HIVEP3: variants seen among roughly 807,000 people sequenced by gnomAD.
HIVEP3 encodes HIVEP zinc finger 3.
Under a neutral mutation model 152.8 loss-of-function variants are expected in HIVEP3, and 49 were observed. The observed-to-expected ratio is 0.32, with a 90% confidence interval of 0.26 to 0.41. HIVEP3 has a LOEUF of 0.41. HIVEP3 is among the 10% of genes least tolerant of loss of function. The probability of loss-of-function intolerance (pLI) is 1.00; values close to 1 mark genes in which losing one functional copy is unlikely to be tolerated. For synonymous variants in HIVEP3, 1,269 were observed against 1,289.0 expected (o/e 0.98, Z 0.33); for missense variants, 2,790 against 3,103.3 (o/e 0.90, Z 2.40).
chr1:41,983,340 T>G (rs1645304406), intron 1 of HIVEP3, among the ~76,000 whole-genome samples: 1 of 152,232 alleles, frequency 6.6e-6, no homozygotes, highest in African/African-American at 2.4e-5. Flanking sequence ...TAGACATCAG[T>G]AATGCACAAA....
intron 1 of HIVEP3, among the ~76,000 whole-genome samples, chr1:41,905,666 C>G (rs193078468): frequency 6.6e-5 from 10 of 152,156 alleles, no homozygotes; most frequent in South Asian, 2.1e-4. Context: ...GGATTTGAAC[C>G]CTGTGCTCTT....
chr1:41,508,339 A>G lies in HIVEP3; in HGVS notation c.*2112T>C, dbSNP rs1356008675. On this transcript the variant is annotated 3_prime_UTR_variant, in exon 9 of 9. Transcript: ENST00000372583. Reference sequence around the variant, plus strand: ...GTTAGGGCTGAAAGGCAAGGATGAGAAAAGCCCTGGCCTCCTGGGACTTGG... The same window carrying G: ...GTTAGGGCTGAAAGGCAAGGATGAGGAAAGCCCTGGCCTCCTGGGACTTGG... 2 of 152,226 alleles carry G rather than the reference A, an allele frequency of 1.3e-5. No homozygotes were observed. The highest frequency in any genetic ancestry group is 4.8e-5 in the African/African-American group (2 of 41,406). The allele number at this position is 152,226 out of a possible 1,614,324, so 9.4% of individuals were successfully genotyped here. A position where few individuals can be genotyped will look rare whatever the true frequency, so the allele number is the denominator to read the frequency against.
At chr1:41,841,620 C>T (rs1294630040) in intron 1 of HIVEP3, among the ~76,000 whole-genome samples, 3 of 152,168 alleles carry the variant, frequency 2.0e-5, no homozygotes, top group African/African-American at 4.8e-5. Flanking sequence ...GAAAGACATG[C>T]CCAAAACCGC....
intron 1 of HIVEP3, among the ~76,000 whole-genome samples, chr1:41,863,155 A>G (rs1643909403): frequency 6.6e-6 from 1 of 152,220 alleles, no homozygotes; most frequent in Non-Finnish European, 1.5e-5. Context: ...GTCACCCAGC[A>G]TCGACTGCTA....
chr1:41,733,660 T>G (rs537464782), intron 1 of HIVEP3, among the ~76,000 whole-genome samples: 100 of 152,350 alleles, frequency 6.6e-4, no homozygotes, highest in African/African-American at 2.0e-3. Flanking sequence ...GGGTCCACTG[T>G]GGCTGAGTGA....
Position 41,512,957 on chromosome 1 carries a change from C to T in HIVEP3, c.6264G>A (p.Lys2088=). The T allele has an allele frequency of 1.2e-6, 2 of 1,610,638 alleles. No homozygotes were observed. The highest frequency in any genetic ancestry group is 1.7e-6 in the Non-Finnish European group (2 of 1,178,644). ...GGCTGCCCGGCCCAGCCAAGGCCCA[C>T]TTCCCTGGCGGCGCTGACCGTGGTG... The part of the protein sequence containing the change: ...ESPPRSAPPG[K]WALAGPGSPS... The change falls in exon 8 of 9, where the codon AAG becomes AAA. Residue 2088 remains lysine (K), a synonymous_variant. Coordinates refer to ENST00000372583, the MANE Select transcript of HIVEP3 (RefSeq NM_024503.5).
At chr1:41,974,509 A>ACACACACG (rs1198714053) in intron 1 of HIVEP3, among the ~76,000 whole-genome samples, 2 of 151,542 alleles carry the variant, frequency 1.3e-5, no homozygotes, top group Non-Finnish European at 2.9e-5. Flanking sequence ...ACACACACAC[A>ACACACACG]CACACACACA....
intron 1 of HIVEP3, among the ~76,000 whole-genome samples, chr1:41,982,351 G>T (rs56668297): frequency 1.3e-5 from 2 of 152,044 alleles, no homozygotes; most frequent in Non-Finnish European, 2.9e-5. Context: ...ATGGAACTGC[G>T]TCCCTCTCAT....
chr1:41,648,189 T>C, intron 2 of HIVEP3, among the ~76,000 whole-genome samples: 1 of 152,220 alleles, frequency 6.6e-6, no homozygotes. Context: ...TCATATGGCA[T>C]TGTGTCTCTA....
At chr1:41,529,593 CACAT>C (rs1643174702) in intron 5 of HIVEP3, among the ~76,000 whole-genome samples, 1 of 132,952 alleles carries the variant, frequency 7.5e-6, no homozygotes, top group Non-Finnish European at 1.6e-5. Context: ...CACCTTCATA[CACAT>C]ACATACACTC....
chr1:41,854,138 T>TC (rs1018439121), intron 1 of HIVEP3, among the ~76,000 whole-genome samples: 67 of 151,932 alleles, frequency 4.4e-4, no homozygotes, highest in African/African-American at 1.5e-3. Flanking sequence ...CCTCTCTCTG[T>TC]CCCACCTCCT....
intron 2 of HIVEP3, among the ~76,000 whole-genome samples, chr1:41,697,865 C>A (rs1646301195): frequency 6.6e-6 from 1 of 152,168 alleles, no homozygotes; most frequent in South Asian, 2.1e-4. Flanking sequence ...AGTATCAACC[C>A]TGTAGGTGCC....
At chr1:41,758,901 G>A (rs1006365994) in intron 1 of HIVEP3, among the ~76,000 whole-genome samples, 2 of 152,106 alleles carry the variant, frequency 1.3e-5, no homozygotes, top group Non-Finnish European at 2.9e-5. Flanking sequence ...AGTGTACTGT[G>A]ACCAATGACT....
chr1:41,544,062 T>G (rs1316077239), intron 5 of HIVEP3: 2 of 151,930 alleles, frequency 1.3e-5, no homozygotes, highest in Non-Finnish European at 2.9e-5. Context: ...TCTGTTGGAG[T>G]AGGAAGCAAC....
Position 41,580,813 on chromosome 1 carries a change from A to G in HIVEP3, c.3985T>C (p.Ser1329Pro), listed in dbSNP as rs769303059. Reference protein sequence around the residue: ...VPVRVQTNMPSYGSAMYTTLS... With the variant: ...VPVRVQTNMPPYGSAMYTTLS... ...GTGGTGTACATTGCGCTCCCATAGG[A>G]CGGCATATTGGTCTGAACACGGACA... Residue 1329 changes from serine (S) to proline (P), a missense_variant, in exon 4 of 9, where the codon TCC (serine) becomes CCC (proline). Physicochemically the swap from Ser to Pro is moderately conservative, Grantham distance 74. This residue lies in a region of HIVEP3 where 1,078 missense variants were observed against 1,165.3 expected (regional missense o/e 0.93). Coordinates refer to ENST00000372583, the MANE Select transcript of HIVEP3 (RefSeq NM_024503.5). 4 of 1,580,134 alleles carry G rather than the reference A, an allele frequency of 2.5e-6. No individual in the cohort carries two copies. Among genetic ancestry groups the G allele is most frequent in the Non-Finnish European group, 3.4e-6 (4 of 1,163,080 alleles).
chr1:42,014,358 C>T (rs1570892383), intron 1 of HIVEP3, among the ~76,000 whole-genome samples: 7 of 151,974 alleles, frequency 4.6e-5, no homozygotes. Context: ...AGTCACGCGG[C>T]TCCAGCACAC....
intron 1 of HIVEP3, among the ~76,000 whole-genome samples, chr1:41,870,547 G>T (rs1016559607): frequency 9.2e-5 from 14 of 152,202 alleles, no homozygotes; most frequent in African/African-American, 3.4e-4. Context: ...ACAAATGAAT[G>T]AATTAAAGCA....
At chr1:41,773,010 C>T (rs184578876) in intron 1 of HIVEP3, among the ~76,000 whole-genome samples, 1 of 152,194 alleles carries the variant, frequency 6.6e-6, no homozygotes, top group Non-Finnish European at 1.5e-5. Context: ...CACAGATTGA[C>T]CCATTTTATG....
intron 1 of HIVEP3, among the ~76,000 whole-genome samples, chr1:41,932,239 T>C: frequency 6.6e-6 from 1 of 152,042 alleles, no homozygotes; most frequent in East Asian, 1.9e-4. Context: ...ATATATTTAA[T>C]TTTAATTTCA....
Sources: allele counts gnomAD v4.1 joint callset (sites outside exome capture counted in the v4.1 genomes callset), GRCh38; gene constraint gnomAD v4.1.1; regional missense constraint gnomAD v4.1.1; transcripts MANE v1.5; gene names NCBI Gene and HGNC (gene_info 2026-07-23, HGNC 2026-07-21).